The following FAM117B variants were observed in gnomAD, a reference collection of about 807,000 sequenced individuals.
FAM117B encodes the protein protein FAM117B.
A neutral mutation model predicts 52.8 loss-of-function variants in FAM117B; 22 were observed. The observed-to-expected ratio is 0.42, with a 90% CI of 0.30 to 0.59. FAM117B has a LOEUF of 0.59. Among genes scored for constraint, FAM117B ranks in the 20% least tolerant of loss-of-function variants. The probability of loss-of-function intolerance (pLI) is 0.22; values close to 1 mark genes in which losing one functional copy is unlikely to be tolerated. For missense variants in FAM117B, 678 were observed against 802.6 expected, an observed-to-expected ratio of 0.84 and a Z score of 1.88; for synonymous variants, 309 against 324.1, an observed-to-expected ratio of 0.95 and a Z score of 0.50.
chr2:202,682,446 C>G (rs1394041680), intron 1 of FAM117B, among the ~76,000 whole-genome samples: 2 of 152,190 alleles, frequency 1.3e-5, no homozygotes, highest in African/African-American at 2.4e-5. Context: ...ACTGCACTCT[C>G]TCACCTGCGC....
chr2:202,635,456 G>T lies in FAM117B; in HGVS notation c.269G>T (p.Arg90Leu), dbSNP rs1273141092. The stretch of plus-strand genomic sequence containing the variant: ...GGCGGTGGCCCGCGCACCGCCTCGC[G>T]CAGCACCAGCCCCACGCGCGGCGGC... ...GGGGGPRTAS[R>L]STSPTRGGGN... is the part of the protein sequence containing the mutation. Residue 90 changes from arginine to leucine, a missense_variant, in exon 1 of 8, where the codon CGC becomes CTC. This residue lies in a region of FAM117B where 583 missense variants were observed against 644.8 expected (regional missense o/e 0.90). Coordinates refer to ENST00000392238, the MANE Select transcript of FAM117B (RefSeq NM_173511.4). 16 of 1,151,526 alleles carry T rather than the reference G, an allele frequency of 1.4e-5. No homozygotes were observed. Among genetic ancestry groups the T allele is most frequent in the Non-Finnish European group, 1.7e-5 (16 of 939,424 alleles). 71.3% of individuals were successfully genotyped at this position (1,151,526 alleles called of 1,614,324 possible).
intron 4 of FAM117B, among the ~76,000 whole-genome samples, chr2:202,754,491 TAAG>T (rs1258143522): frequency 1.3e-5 from 2 of 151,986 alleles, no homozygotes; most frequent in Non-Finnish European, 2.9e-5. Context: ...TTATTTTTTT[TAAG>T]AAGAAACAAA....
At chr2:202,663,516 A>G (rs942769929) in intron 1 of FAM117B, among the ~76,000 whole-genome samples, 9 of 151,088 alleles carry the variant, frequency 6.0e-5, no homozygotes. Flanking sequence ...TGTTTTATAC[A>G]TTTAGTACTT....
At chr2:202,640,340 A>ATATATATATATATATATATG (rs1371719386) in intron 1 of FAM117B, among the ~76,000 whole-genome samples, 3 of 105,734 alleles carry the variant, frequency 2.8e-5, no homozygotes, top group Admixed American at 9.5e-5. Flanking sequence ...ATATATATAT[A>ATATATATATATATATATATG]TATGGCAAGT....
At chr2:202,751,639 G>A (rs971698727) in intron 4 of FAM117B, among the ~76,000 whole-genome samples, 11 of 151,816 alleles carry the variant, frequency 7.2e-5, no homozygotes, top group Admixed American at 3.9e-4. Flanking sequence ...GGGCGTTGTC[G>A]CGGGTGCCTG....
chr2:202,753,827 C>G (rs992383735), intron 4 of FAM117B, among the ~76,000 whole-genome samples: 2 of 150,634 alleles, frequency 1.3e-5, no homozygotes, highest in East Asian at 1.9e-4. Context: ...CAATGTGATA[C>G]CATCTCACGC....
chr2:202,737,826 G>A (rs2351115), intron 4 of FAM117B, among the ~76,000 whole-genome samples: 2 of 151,798 alleles, frequency 1.3e-5, no homozygotes, highest in African/African-American at 4.8e-5. Context: ...GGTCTTGAAC[G>A]CTTGACCTCA....
intron 4 of FAM117B, among the ~76,000 whole-genome samples, chr2:202,753,490 C>G (rs1040721797): frequency 6.6e-6 from 1 of 152,114 alleles, no homozygotes; most frequent in Non-Finnish European, 1.5e-5. Context: ...AAAGCAATTG[C>G]AACAAAAGCC....
chr2:202,715,601 G>A (rs1000474187), intron 2 of FAM117B, among the ~76,000 whole-genome samples: 7 of 151,584 alleles, frequency 4.6e-5, no homozygotes, highest in Non-Finnish European at 7.4e-5. Context: ...TCCCAGACTG[G>A]GCAGCCAGGC....
intron 1 of FAM117B, among the ~76,000 whole-genome samples, chr2:202,645,463 G>A (rs1004901012): frequency 4.0e-5 from 6 of 148,694 alleles, no homozygotes; most frequent in Non-Finnish European, 8.9e-5. Flanking sequence ...CTAATTTTTT[G>A]TATTTTTAGT....
chr2:202,655,926 G>GC (rs1690050124), intron 1 of FAM117B, among the ~76,000 whole-genome samples: 1 of 152,118 alleles, frequency 6.6e-6, no homozygotes, highest in Non-Finnish European at 1.5e-5. Context: ...TATAAATTCA[G>GC]CTTATTTAAT....
At chr2:202,672,442 G>A (rs994145849) in intron 1 of FAM117B, among the ~76,000 whole-genome samples, 3 of 152,164 alleles carry the variant, frequency 2.0e-5, no homozygotes, top group Non-Finnish European at 2.9e-5. Flanking sequence ...TTGAACTCCT[G>A]ATCTCAAGTG....
At chr2:202,663,022 A>G (rs1206563372) in intron 1 of FAM117B, among the ~76,000 whole-genome samples, 1 of 152,250 alleles carries the variant, frequency 6.6e-6, no homozygotes, top group African/African-American at 2.4e-5. Flanking sequence ...CTTCAGAATA[A>G]TGAAGCGTTA....
In FAM117B at chr2:202,726,357, G is replaced by A; in HGVS notation, c.954G>A (p.Gln318=). The change falls in exon 4 of 8, where the codon CAG becomes CAA. Residue 318 remains glutamine (Q), a synonymous_variant. Coordinates refer to ENST00000392238, the MANE Select transcript of FAM117B (RefSeq NM_173511.4). ...PFHGNHAAIN[Q]CQAPVPKSAL... ...ATGGCAACCATGCAGCTATTAACCA[G>A]TGTCAGGTAAGAGTACCAATACCAC... The A allele has an allele frequency of 2.5e-6, 4 of 1,609,770 alleles. No individual in the cohort carries two copies. The South Asian group carries it at 4.4e-5, about 18-fold the overall frequency.
chr2:202,673,431 C>CTTTTTT (rs1690327997), intron 1 of FAM117B, among the ~76,000 whole-genome samples: 2 of 31,186 alleles, frequency 6.4e-5, no homozygotes, highest in African/African-American at 1.7e-4. Flanking sequence ...TTTTCTTTTT[C>CTTTTTT]TGTTTTTTTT....
At chr2:202,764,894 G>A (rs1691952468) in intron 7 of FAM117B, among the ~76,000 whole-genome samples, 1 of 152,138 alleles carries the variant, frequency 6.6e-6, no homozygotes, top group Non-Finnish European at 1.5e-5. Flanking sequence ...CCATCAAAGA[G>A]ATTTTTACAA....
chr2:202,664,596 A>C (rs1368831725), intron 1 of FAM117B, among the ~76,000 whole-genome samples: 1 of 152,232 alleles, frequency 6.6e-6, no homozygotes, highest in African/African-American at 2.4e-5. Context: ...TGAAAATTTT[A>C]AAGATAGGGT....
chr2:202,748,279 C>T (rs1691665464), intron 4 of FAM117B, among the ~76,000 whole-genome samples: 3 of 151,968 alleles, frequency 2.0e-5, no homozygotes, highest in Admixed American at 2.0e-4. Context: ...TAAAAATCGA[C>T]CTAAAATGGA....
In FAM117B at chr2:202,674,878, C is replaced by T. The variant is rs558228469; in HGVS notation, c.602-21003C>T. ...ACATGGAGTTTCTAGAGCTATAATT[C>T]GCCATTTTGCTTTTGTTTTTGTGGC... On this transcript the variant is annotated intron_variant, in intron 1 of 7. Coordinates refer to ENST00000392238, the MANE Select transcript of FAM117B (RefSeq NM_173511.4). Among the ~76,000 whole-genome samples, 21 of 152,172 alleles carry T rather than the reference C, an allele frequency of 1.4e-4. No homozygotes were observed. The South Asian group carries it at 4.1e-3, about 30-fold the overall frequency.
Sources: allele counts gnomAD v4.1 joint callset (sites outside exome capture counted in the v4.1 genomes callset), GRCh38; gene constraint gnomAD v4.1.1; regional missense constraint gnomAD v4.1.1; transcripts MANE v1.5; gene names NCBI Gene and HGNC (gene_info 2026-07-23, HGNC 2026-07-21).